Variants in MAP2 observed in about 807,000 individuals in gnomAD.
MAP2 encodes the protein microtubule associated protein 2, also known as microtubule-associated protein 2.
MAP2 carries 14 observed loss-of-function variants against 137.6 expected under a neutral mutation model. The observed-to-expected ratio is 0.10, with a 90% CI of 0.07 to 0.16. The LOEUF is 0.16. MAP2 is among the 10% of genes least tolerant of loss of function. The probability of loss-of-function intolerance (pLI) is 1.00; values close to 1 mark genes in which losing one functional copy is unlikely to be tolerated. For synonymous variants in MAP2, 786 were observed against 782.3 expected (o/e 1.00, Z -0.08); for missense variants, 2,088 against 2,191.5 (o/e 0.95, Z 0.94).
intron 3 of MAP2, among the ~76,000 whole-genome samples, chr2:209,601,292 A>G (rs895949685): frequency 1.3e-5 from 2 of 151,876 alleles, no homozygotes; most frequent in African/African-American, 2.4e-5. Context: ...TCTTTTTTTC[A>G]AGTTATAATA....
At chr2:209,482,644 A>G (rs2057873015) in intron 1 of MAP2, among the ~76,000 whole-genome samples, 1 of 152,230 alleles carries the variant, frequency 6.6e-6, no homozygotes, top group Non-Finnish European at 1.5e-5. Flanking sequence ...TGATTATCTC[A>G]AAGAACTCTG....
At position 209,501,955 on chromosome 2, in the gene MAP2, G is replaced by C. The variant is rs370586383; in HGVS notation, c.-221-5637G>C. On this transcript the variant is annotated intron_variant, in intron 1 of 15. Coordinates refer to ENST00000682079, the MANE Select transcript of MAP2 (RefSeq NM_001375505.1). ...TGAATACCTCTTTTCCCTCAGAACTGTGTTTCCAATATTTTTATATAAAAA... is the reference window on the plus strand; with the variant it reads ...TGAATACCTCTTTTCCCTCAGAACTCTGTTTCCAATATTTTTATATAAAAA... Among the ~76,000 whole-genome samples, 4 of 152,172 alleles carry C rather than the reference G, an allele frequency of 2.6e-5. No homozygotes were observed. The East Asian group carries it at 7.7e-4, about 29-fold the overall frequency.
In MAP2 at chr2:209,653,162, C is replaced by A. The variant is rs756465500; in HGVS notation, c.-9C>A. 5 of 1,582,216 alleles carry A rather than the reference C, an allele frequency of 3.2e-6. No homozygotes were observed. In the Admixed American group the frequency reaches 7.4e-5, roughly 23 times the overall value. On this transcript the variant is annotated 5_prime_UTR_variant, in exon 5 of 16. Transcript: ENST00000682079. ...TTCAGTTGCAGGAGAAATAACAAGG[C>A]ATTGAAGAATGGCAGATGAACGGAA... is the stretch of plus-strand genomic sequence containing the variant.
chr2:209,475,398 T>C (rs1313057527), intron 1 of MAP2, among the ~76,000 whole-genome samples: 2 of 152,076 alleles, frequency 1.3e-5, no homozygotes, highest in Non-Finnish European at 2.9e-5. Context: ...TCATCTCTGC[T>C]CAGTGCAATT....
intron 3 of MAP2, among the ~76,000 whole-genome samples, chr2:209,621,516 C>T (rs1200334965): frequency 1.3e-5 from 2 of 151,964 alleles, no homozygotes; most frequent in East Asian, 3.9e-4. Flanking sequence ...TCCTCAGCCT[C>T]CCAAAGTGCT....
At chr2:209,606,722 T>A (rs2084897547) in intron 3 of MAP2, among the ~76,000 whole-genome samples, 2 of 152,200 alleles carry the variant, frequency 1.3e-5, no homozygotes, top group South Asian at 4.1e-4. Flanking sequence ...TCACATTTGA[T>A]AGTTGAGATC....
intron 3 of MAP2, among the ~76,000 whole-genome samples, chr2:209,594,991 A>G (rs1032306196): frequency 1.3e-5 from 2 of 152,172 alleles, no homozygotes; most frequent in Admixed American, 1.3e-4. Context: ...CCTACTGAAT[A>G]GGAATTACAA....
intron 1 of MAP2, among the ~76,000 whole-genome samples, chr2:209,499,865 G>A (rs2060177912): frequency 6.6e-6 from 1 of 152,132 alleles, no homozygotes; most frequent in African/African-American, 2.4e-5. Context: ...CATGAAGACA[G>A]CACCAAGCCA....
intron 4 of MAP2, among the ~76,000 whole-genome samples, chr2:209,636,768 G>A (rs932807358): frequency 6.6e-6 from 1 of 152,028 alleles, no homozygotes; most frequent in Non-Finnish European, 1.5e-5. Context: ...ACATACCAAT[G>A]TATATTTTTA....
chr2:209,496,042 C>T (rs933874224), intron 1 of MAP2, among the ~76,000 whole-genome samples: 4 of 152,172 alleles, frequency 2.6e-5, no homozygotes, highest in Non-Finnish European at 5.9e-5. Context: ...CTACAGCAAA[C>T]ATGTCAGAGT....
At position 209,475,933 on chromosome 2, in the gene MAP2, A is replaced by C. The variant is rs939916246; in HGVS notation, c.-221-31659A>C. Among the ~76,000 whole-genome samples, 43 of 152,184 alleles carry C rather than the reference A, an allele frequency of 2.8e-4. 1 individual carries two copies. The highest frequency in any genetic ancestry group is 2.9e-5 in the Non-Finnish European group (2 of 68,018). Reference sequence around the variant, plus strand: ...AAACTGATGAGAGGTCAGTTGGTACATGCTGAATGTTTATTAGACAAAGCT... The same window carrying C: ...AAACTGATGAGAGGTCAGTTGGTACCTGCTGAATGTTTATTAGACAAAGCT... On this transcript the variant is annotated intron_variant, in intron 1 of 15. Transcript: ENST00000682079.
intron 3 of MAP2, among the ~76,000 whole-genome samples, chr2:209,592,747 T>C (rs1351999387): frequency 1.3e-5 from 2 of 152,188 alleles, no homozygotes; most frequent in African/African-American, 4.8e-5. Context: ...TGTGTCCAGA[T>C]GAAGGTCTTT....
Position 209,695,719 on chromosome 2 carries a change from T to G in MAP2, c.3549T>G (p.Asp1183Glu). 6.2e-7 allele frequency: 1 copy of G among 1,614,066 alleles called. No individual in the cohort carries two copies. The highest frequency in any genetic ancestry group is 8.5e-7 in the Non-Finnish European group (1 of 1,179,992). The change falls in exon 8 of 16, where the codon GAT becomes GAG. Residue 1183 changes from aspartate to glutamate, a missense_variant. Around this residue, in one of 6 missense-constraint regions of MAP2, gnomAD observed 591 missense variants for 642.6 expected, o/e 0.92. Coordinates refer to ENST00000682079, the MANE Select transcript of MAP2 (RefSeq NM_001375505.1). ...IPCPPAVSEA[D>E]LATDERADVQ... Reference sequence around the variant, plus strand: ...GCCCACCTGCTGTTTCAGAGGCTGATTTAGCCACAGATGAGAGAGCTGATG... The same window carrying G: ...GCCCACCTGCTGTTTCAGAGGCTGAGTTAGCCACAGATGAGAGAGCTGATG...
intron 4 of MAP2, among the ~76,000 whole-genome samples, chr2:209,625,520 A>C (rs1442865485): frequency 6.6e-6 from 1 of 152,152 alleles, no homozygotes; most frequent in Non-Finnish European, 1.5e-5. Context: ...TATGACGTAG[A>C]TATGGGGATC....
chr2:209,636,368 G>C (rs919613800), intron 4 of MAP2, among the ~76,000 whole-genome samples: 1 of 152,058 alleles, frequency 6.6e-6, no homozygotes, highest in African/African-American at 2.4e-5. Context: ...TGTGGCACTA[G>C]AAAGTTCTTC....
chr2:209,620,516 C>A (rs1580920728), intron 3 of MAP2, among the ~76,000 whole-genome samples: 1 of 152,220 alleles, frequency 6.6e-6, no homozygotes, highest in Non-Finnish European at 1.5e-5. Context: ...AAAGATCATT[C>A]TCTGATATTT....
At chr2:209,446,193 A>G (rs1699016480) in intron 1 of MAP2, among the ~76,000 whole-genome samples, 1 of 151,842 alleles carries the variant, frequency 6.6e-6, no homozygotes, top group Non-Finnish European at 1.5e-5. Context: ...TCTATTGACT[A>G]GTAAACCTCA....
intron 7 of MAP2, chr2:209,690,929 C>T (rs2058675179): frequency 8.7e-7 from 1 of 1,148,806 alleles, no homozygotes; most frequent in Non-Finnish European, 1.1e-6. Context: ...CTTTCCAACG[C>T]TATTTCGCTA....
intron 5 of MAP2, among the ~76,000 whole-genome samples, chr2:209,655,727 G>T (rs1365788679): frequency 1.3e-5 from 2 of 152,102 alleles, no homozygotes; most frequent in Non-Finnish European, 2.9e-5. Flanking sequence ...AAGGACCAGG[G>T]ATCTATACAT....
Sources: allele counts gnomAD v4.1 joint callset (sites outside exome capture counted in the v4.1 genomes callset), GRCh38; gene constraint gnomAD v4.1.1; regional missense constraint gnomAD v4.1.1; transcripts MANE v1.5; gene names NCBI Gene and HGNC (gene_info 2026-07-23, HGNC 2026-07-21).